The following AGBL4 variants were observed in gnomAD, a reference collection of about 807,000 sequenced individuals.
AGBL4 encodes the protein cytosolic carboxypeptidase 6.
AGBL4 carries 58 observed loss-of-function variants against 66.4 expected under a neutral mutation model. That is an observed-to-expected ratio of 0.87 (90% CI 0.71 to 1.09). The LOEUF is 1.09. Ranked by LOEUF, AGBL4 falls within the 50% of genes least tolerant of loss-of-function variation. The pLI is 0.00. For synonymous variants in AGBL4, 234 were observed against 222.9 expected (o/e 1.05, Z -0.44); for missense variants, 579 against 631.0 (o/e 0.92, Z 0.88).
At chr1:48,791,506 T>C (rs1645549285) in intron 6 of AGBL4, among the ~76,000 whole-genome samples, 1 of 152,204 alleles carries the variant, frequency 6.6e-6, no homozygotes, top group Admixed American at 6.5e-5. Context: ...CCAACCCATT[T>C]TGGGGGTTGC....
chr1:49,189,737 T>C (rs1199880887), intron 4 of AGBL4, among the ~76,000 whole-genome samples: 1 of 152,166 alleles, frequency 6.6e-6, no homozygotes, highest in East Asian at 1.9e-4. Flanking sequence ...ATCCTGATAA[T>C]GCTTTGCTTG....
At chr1:49,154,773 T>C (rs549430) in intron 4 of AGBL4, among the ~76,000 whole-genome samples, 66,760 of 152,018 alleles carry the variant, frequency 0.44, 17,035 homozygotes, top group Non-Finnish European at 0.58. Flanking sequence ...AGCAATATAT[T>C]TGAATCCTAG....
At chr1:48,642,196 T>C (rs1336280384) in intron 8 of AGBL4, among the ~76,000 whole-genome samples, 2 of 152,142 alleles carry the variant, frequency 1.3e-5, no homozygotes, top group Non-Finnish European at 2.9e-5. Context: ...CCAAGGTTTA[T>C]AGCAAAGCCA....
At chr1:49,633,892 T>G (rs1571216483) in intron 3 of AGBL4, among the ~76,000 whole-genome samples, 1 of 60,066 alleles carries the variant, frequency 1.7e-5, no homozygotes, top group Non-Finnish European at 7.7e-5. Context: ...TATATTATTG[T>G]AATATATAAT....
At chr1:48,819,403 T>C (rs573276928) in intron 6 of AGBL4, among the ~76,000 whole-genome samples, 1 of 151,876 alleles carries the variant, frequency 6.6e-6, no homozygotes, top group Non-Finnish European at 1.5e-5. Flanking sequence ...GCTAGAGAGG[T>C]TGGCATTTAT....
intron 3 of AGBL4, among the ~76,000 whole-genome samples, chr1:49,468,445 A>C (rs1231881665): frequency 1.3e-5 from 2 of 151,788 alleles, no homozygotes; most frequent in African/African-American, 4.8e-5. Context: ...GAAAGATCAA[A>C]GTCCCCCAAA....
chr1:49,637,357 G>A (rs1645695275), intron 3 of AGBL4, among the ~76,000 whole-genome samples: 1 of 151,974 alleles, frequency 6.6e-6, no homozygotes, highest in Admixed American at 6.6e-5. Flanking sequence ...CTGGAGTGCA[G>A]TGGGATGATC....
At chr1:49,078,365 T>A (rs1288180554) in intron 4 of AGBL4, among the ~76,000 whole-genome samples, 1 of 152,194 alleles carries the variant, frequency 6.6e-6, no homozygotes, top group Admixed American at 6.5e-5. Flanking sequence ...GATTTAATTG[T>A]CCACTAGATA....
chr1:49,726,622 C>T (rs1649050075), intron 2 of AGBL4, among the ~76,000 whole-genome samples: 1 of 152,072 alleles, frequency 6.6e-6, no homozygotes, highest in Admixed American at 6.6e-5. Flanking sequence ...TTGTAAGTGA[C>T]TTAAACTCAA....
intron 3 of AGBL4, among the ~76,000 whole-genome samples, chr1:49,448,363 T>C (rs1354023262): frequency 2.0e-5 from 3 of 152,172 alleles, no homozygotes; most frequent in African/African-American, 4.8e-5. Flanking sequence ...TCCTTCATGA[T>C]GAAAGAGAAA....
chr1:49,062,904 T>A (rs553366570), intron 4 of AGBL4, among the ~76,000 whole-genome samples: 1 of 152,328 alleles, frequency 6.6e-6, no homozygotes, highest in Admixed American at 6.5e-5. Context: ...TCTTCACACA[T>A]TTAAAAATTA....
intron 6 of AGBL4, among the ~76,000 whole-genome samples, chr1:48,676,383 G>T (rs79004011): frequency 6.6e-6 from 1 of 152,208 alleles, no homozygotes; most frequent in South Asian, 2.1e-4. Flanking sequence ...AGGCACAAGC[G>T]CAGTGACTGC....
intron 2 of AGBL4, chr1:49,845,597 G>A (rs1410105561): frequency 3.1e-6 from 5 of 1,607,658 alleles, no homozygotes; most frequent in African/African-American, 1.3e-5. Flanking sequence ...CATGAGTGTG[G>A]AAAAGCCTTC....
In AGBL4 at chr1:48,663,165, T is replaced by G. The variant is rs994584447; in HGVS notation, c.711A>C (p.Ser237=). The G allele has an allele frequency of 6.2e-7, 1 of 1,613,924 alleles. No individual in the cohort carries two copies. The highest frequency in any genetic ancestry group is 8.5e-7 in the Non-Finnish European group (1 of 1,179,862). Residue 237 remains serine (S), a synonymous_variant, in exon 7 of 14, where the codon TCA becomes TCC. Coordinates refer to ENST00000371839, the MANE Select transcript of AGBL4 (RefSeq NM_032785.4). ...CCTGCCACTCACCTTGGCACACAAA[T>G]GATGAGGGTGTTTCCCCTGGGTGGA... ...GRVHPGETPS[S]FVCQGIIDFL... is the part of the protein sequence containing the mutation.
chr1:49,291,316 C>A (rs1023415254), intron 3 of AGBL4, among the ~76,000 whole-genome samples: 1 of 152,170 alleles, frequency 6.6e-6, no homozygotes, highest in African/African-American at 2.4e-5. Flanking sequence ...CTCTCCGAAT[C>A]ATTTTATTAG....
chr1:48,565,401 T>C (rs1367164640), intron 11 of AGBL4, among the ~76,000 whole-genome samples: 1 of 152,190 alleles, frequency 6.6e-6, no homozygotes, highest in Non-Finnish European at 1.5e-5. Context: ...CACCTTCTCT[T>C]CCAGCTGACA....
At chr1:49,177,869 G>A (rs941477777) in intron 4 of AGBL4, among the ~76,000 whole-genome samples, 7 of 152,078 alleles carry the variant, frequency 4.6e-5, no homozygotes, top group Non-Finnish European at 8.8e-5. Flanking sequence ...AACAAGATGA[G>A]AATTAATGTC....
intron 3 of AGBL4, among the ~76,000 whole-genome samples, chr1:49,284,327 G>A (rs1316982702): frequency 3.3e-5 from 5 of 152,102 alleles, no homozygotes; most frequent in Admixed American, 1.3e-4. Context: ...AATGCTGAGA[G>A]ATTTTGTCAC....
At chr1:48,908,723 G>A (rs1652833185) in intron 5 of AGBL4, among the ~76,000 whole-genome samples, 1 of 141,238 alleles carries the variant, frequency 7.1e-6, no homozygotes, top group East Asian at 2.1e-4. Flanking sequence ...AGAAAAGGGA[G>A]GGCTGGTAAT....
Sources: allele counts gnomAD v4.1 joint callset (sites outside exome capture counted in the v4.1 genomes callset), GRCh38; gene constraint gnomAD v4.1.1; transcripts MANE v1.5; gene names NCBI Gene and HGNC (gene_info 2026-07-23, HGNC 2026-07-21).